IPO9: variants seen among roughly 807,000 people sequenced by gnomAD.
The protein encoded by IPO9 is importin 9.
A neutral mutation model predicts 128.6 loss-of-function variants in IPO9; 28 were observed. That is an observed-to-expected ratio of 0.22 (90% confidence interval 0.16 to 0.30). The LOEUF is 0.30. Ranked by LOEUF, IPO9 falls within the 10% of genes least tolerant of loss-of-function variation. The pLI, the probability that IPO9 is intolerant of heterozygous loss-of-function variation, is 1.00. For synonymous variants in IPO9, 455 were observed against 475.8 expected (o/e 0.96, Z 0.57); for missense variants, 935 against 1,293.9 (o/e 0.72, Z 4.26).
intron 2 of IPO9, 105 bp downstream of exon 2, chr1:201,847,445 T>G (rs1680142233): frequency 7.4e-7 from 1 of 1,348,314 alleles, no homozygotes; most frequent in Admixed American, 1.8e-5. Flanking sequence ...ACCTAGGATG[T>G]TGTGCCAGAT....
rs1680792611 is a variant in IPO9, at chr1:201,877,719, T to A, written c.*1665T>A. The A allele has an allele frequency of 6.6e-6, 1 of 151,784 alleles. No individual in the cohort carries two copies. Among genetic ancestry groups the A allele is most frequent in the African/African-American group, 2.4e-5 (1 of 41,290 alleles). 9.4% of individuals were successfully genotyped at this position (151,784 alleles called of 1,614,324 possible). A position where few individuals can be genotyped will look rare whatever the true frequency, so the allele number is the denominator to read the frequency against. On this transcript the variant is annotated 3_prime_UTR_variant, in exon 24 of 24. Transcript: ENST00000361565. ...CCAGCGGATCACCAGAGGTCAGGAG[T>A]TCGAGACCAGCCTGACCAACATGAT...
In IPO9 at chr1:201,842,598, G is replaced by C. The variant is rs140145969; in HGVS notation, c.164-4681G>C. Among the ~76,000 whole-genome samples the C allele has an allele frequency of 2.0e-5, 3 of 152,320 alleles. No individual in the cohort carries two copies. In the East Asian group the frequency reaches 5.8e-4, roughly 29 times the overall value. On this transcript the variant is annotated intron_variant, in intron 1 of 23. Transcript: ENST00000361565. ...TTTGGAGTTTCTGAGGATTTTAGGA[G>C]CTGTTTGCCAGGAAATGAAGTAGAA...
intron 1 of IPO9, among the ~76,000 whole-genome samples, chr1:201,845,235 C>G (rs944640586): frequency 1.3e-5 from 2 of 152,174 alleles, no homozygotes; most frequent in Admixed American, 6.5e-5. Context: ...AGGCTGGACT[C>G]GAACTCCAGA....
intron 11 of IPO9, 43 bp from the exon 12 acceptor site, chr1:201,858,404 T>G: frequency 8.6e-7 from 1 of 1,163,038 alleles, no homozygotes; most frequent in Non-Finnish European, 1.2e-6. Context: ...TAAAATGCAT[T>G]TAATGGGCAC....
intron 1 of IPO9, among the ~76,000 whole-genome samples, chr1:201,840,777 C>G (rs1014923171): frequency 2.0e-5 from 3 of 151,930 alleles, no homozygotes; most frequent in African/African-American, 7.3e-5. Context: ...AAGCAAAGTG[C>G]AAAAGAGTGT....
At chr1:201,860,653 CT>C (rs1428136305) in intron 13 of IPO9, among the ~76,000 whole-genome samples, 20 of 152,122 alleles carry the variant, frequency 1.3e-4, no homozygotes. Flanking sequence ...TAGCTAAAAC[CT>C]TTTCTACACC....
intron 13 of IPO9, among the ~76,000 whole-genome samples, chr1:201,862,758 A>T (rs973624591): frequency 1.7e-4 from 25 of 151,174 alleles, no homozygotes; most frequent in Non-Finnish European, 2.9e-4. Flanking sequence ...GTGAGCCGAG[A>T]TCGCACTGTT....
At chr1:201,871,350 T>C in intron 19 of IPO9, 23 bp downstream of exon 19, 1 of 1,354,510 alleles carries the variant, frequency 7.4e-7, no homozygotes, top group South Asian at 1.4e-5. Flanking sequence ...CTTTCTTTTC[T>C]GGGCATTCTG....
intron 14 of IPO9, among the ~76,000 whole-genome samples, chr1:201,864,282 A>G (rs1287223435): frequency 6.6e-6 from 1 of 152,164 alleles, no homozygotes; most frequent in East Asian, 1.9e-4. Flanking sequence ...GCATTCAAGA[A>G]CTGCCTGTTT....
chr1:201,851,276 C>G (rs1680210621), intron 4 of IPO9, among the ~76,000 whole-genome samples: 1 of 151,680 alleles, frequency 6.6e-6, no homozygotes, highest in African/African-American at 2.4e-5. Flanking sequence ...CTCAACCTCC[C>G]AAAGCTCTGG....
chr1:201,834,578 G>T (rs760096290), intron 1 of IPO9, among the ~76,000 whole-genome samples: 6 of 152,048 alleles, frequency 3.9e-5, no homozygotes, highest in Non-Finnish European at 8.8e-5. Flanking sequence ...GGTGGAATGG[G>T]TTGCTTTCAT....
At position 201,858,888 on chromosome 1, in the gene IPO9, A is replaced by G. The variant is rs759928537; in HGVS notation, c.1362A>G (p.Leu454=). 4 of 1,611,296 alleles carry G rather than the reference A, an allele frequency of 2.5e-6. No homozygotes were observed. In the South Asian group the frequency reaches 3.3e-5, roughly 13 times the overall value. Reference sequence around the variant, plus strand: ...TCCATGAGGCATGCATGCTTGCCCTAGGCTCAGTGAAGGCCATCATCACTG... The same window carrying G: ...TCCATGAGGCATGCATGCTTGCCCTGGGCTCAGTGAAGGCCATCATCACTG... ...WKIHEACMLA[L]GSVKAIITDS... Residue 454 remains leucine (L), a synonymous_variant, in exon 13 of 24, where the codon CTA becomes CTG. Coordinates refer to ENST00000361565, the MANE Select transcript of IPO9 (RefSeq NM_018085.5).
chr1:201,860,078 C>G (rs1032451985), intron 13 of IPO9, among the ~76,000 whole-genome samples: 3 of 152,192 alleles, frequency 2.0e-5, no homozygotes, highest in African/African-American at 7.2e-5. Flanking sequence ...CCATGCCATG[C>G]CTTTTCTCAT....
At chr1:201,875,825 G>C (rs1680752047) in intron 23 of IPO9, 119 bp from the exon 24 acceptor site, 2 of 708,210 alleles carry the variant, frequency 2.8e-6, no homozygotes, top group South Asian at 3.3e-5. Flanking sequence ...CCATCCCTCA[G>C]GGAGCTGGCA....
At chr1:201,836,464 C>T (rs1679924547) in intron 1 of IPO9, among the ~76,000 whole-genome samples, 1 of 152,164 alleles carries the variant, frequency 6.6e-6, no homozygotes, top group South Asian at 2.1e-4. Flanking sequence ...TAGCTCACTG[C>T]AGCCTCAAAC....
In IPO9 at chr1:201,857,092, T is replaced by G. The variant is rs1420961884; in HGVS notation, c.1123-4T>G. The G allele has an allele frequency of 2.2e-5, 34 of 1,564,842 alleles. No individual in the cohort carries two copies. Among genetic ancestry groups the G allele is most frequent in the Non-Finnish European group, 1.5e-5 (17 of 1,135,184 alleles). On this transcript the variant is annotated splice_region_variant and splice_polypyrimidine_tract_variant and intron_variant, in intron 10 of 23. Coordinates refer to ENST00000361565, the MANE Select transcript of IPO9 (RefSeq NM_018085.5). ...ATCACAAAGACATAACTTGATCTTT[T>G]CAGATTAAAGTATGGACAGCCAACC...
chr1:201,835,919 G>T (rs995441620), intron 1 of IPO9, among the ~76,000 whole-genome samples: 1 of 151,998 alleles, frequency 6.6e-6, no homozygotes, highest in African/African-American at 2.4e-5. Flanking sequence ...AGACCATCCT[G>T]GCTAACATGG....
intron 1 of IPO9, 130 bp from the exon 2 acceptor site, chr1:201,847,149 A>T: frequency 4.3e-6 from 3 of 691,082 alleles, no homozygotes; most frequent in Non-Finnish European, 7.6e-6. Context: ...CAGTCTTAGC[A>T]GTTATCAGCT....
In IPO9 at chr1:201,881,106, T is replaced by C. The variant is rs1341898485; in HGVS notation, c.*5052T>C. 6.6e-6 allele frequency: 1 copy of C among 152,190 alleles called. No homozygotes were observed. The highest frequency in any genetic ancestry group is 1.5e-5 in the Non-Finnish European group (1 of 68,034). 9.4% of individuals were successfully genotyped at this position (152,190 alleles called of 1,614,324 possible). ...AGAGAAATAAGTGTACTGGGTTTAGTTCCCACTGCCCAAAAAAGGAACTGG... is the reference window on the plus strand; with the variant it reads ...AGAGAAATAAGTGTACTGGGTTTAGCTCCCACTGCCCAAAAAAGGAACTGG... On this transcript the variant is annotated 3_prime_UTR_variant, in exon 24 of 24. Coordinates refer to ENST00000361565, the MANE Select transcript of IPO9 (RefSeq NM_018085.5).
Sources: allele counts gnomAD v4.1 joint callset (sites outside exome capture counted in the v4.1 genomes callset), GRCh38; gene constraint gnomAD v4.1.1; transcripts MANE v1.5; gene names NCBI Gene and HGNC (gene_info 2026-07-23, HGNC 2026-07-21).